The following CUBN variants were observed in gnomAD, a reference collection of about 807,000 sequenced individuals.
CUBN encodes the protein cubilin.
In CUBN, 282 loss-of-function variants were observed where a neutral mutation model predicts 405.3. The observed-to-expected ratio is 0.70, with a 90% CI of 0.63 to 0.77. CUBN has a LOEUF of 0.77. CUBN is among the 30% of genes least tolerant of loss of function. The pLI is 0.00. For synonymous variants in CUBN, 1,684 were observed against 1,617.0 expected (o/e 1.04, Z -0.99); for missense variants, 4,514 against 4,475.2 (o/e 1.01, Z -0.25).
chr10:17,099,587 G>A (rs184594567), intron 14 of CUBN, among the ~76,000 whole-genome samples: 22 of 152,306 alleles, frequency 1.4e-4, no homozygotes, highest in African/African-American at 4.6e-4. Context: ...AGTGGCTCAT[G>A]CCTGTAATCC....
chr10:16,845,222 C>T (rs1292084759), intron 60 of CUBN, among the ~76,000 whole-genome samples: 2 of 152,122 alleles, frequency 1.3e-5, no homozygotes, highest in African/African-American at 2.4e-5. Flanking sequence ...TGCACAAGGG[C>T]AATAGACTTT....
At chr10:16,982,678 T>G in intron 30 of CUBN, 25 bp from the exon 31 acceptor site, 1 of 1,600,148 alleles carries the variant, frequency 6.2e-7, no homozygotes, top group South Asian at 1.1e-5. Flanking sequence ...CACAATTATT[T>G]CATGAGAGGA....
intron 35 of CUBN, among the ~76,000 whole-genome samples, chr10:16,947,994 A>C (rs1842830615): frequency 6.6e-6 from 1 of 152,230 alleles, no homozygotes; most frequent in Admixed American, 6.5e-5. Flanking sequence ...GTGGATCACG[A>C]GGTCAGGAGT....
rs1244642903 is a variant in CUBN, at chr10:16,984,015, G to A, written c.4525+90C>T. 16 of 1,395,872 alleles carry A rather than the reference G, an allele frequency of 1.1e-5. No homozygotes were observed. The South Asian group carries it at 1.7e-4, about 15-fold the overall frequency. 86.5% of individuals were successfully genotyped at this position (1,395,872 alleles called of 1,614,324 possible). A position where few individuals can be genotyped will look rare whatever the true frequency, so the allele number is the denominator to read the frequency against. ...TTTGGGATGTCACTAAGTTATAAGT[G>A]TGTAGCCTTCATACGTTTTCCCAAG... On this transcript the variant is annotated intron_variant, in intron 30 of 66. Transcript: ENST00000377833.
At chr10:17,118,124 T>C (rs1441947042) in intron 6 of CUBN, among the ~76,000 whole-genome samples, 2 of 152,216 alleles carry the variant, frequency 1.3e-5, no homozygotes, top group Non-Finnish European at 2.9e-5. Context: ...GAGTAGGCAT[T>C]AATCCTATAC....
intron 10 of CUBN, 143 bp from the exon 11 acceptor site, chr10:17,105,718 G>A: frequency 1.5e-6 from 1 of 662,466 alleles, no homozygotes; most frequent in Non-Finnish European, 2.7e-6. Flanking sequence ...AACAAGGTAT[G>A]AGGAGAAAAT....
At chr10:16,889,096 A>T (rs1840914353) in intron 55 of CUBN, among the ~76,000 whole-genome samples, 1 of 152,218 alleles carries the variant, frequency 6.6e-6, no homozygotes. Flanking sequence ...TTTTCGAAAC[A>T]GAAAGAAATA....
At chr10:17,018,310 A>T (rs1000660340) in intron 28 of CUBN, among the ~76,000 whole-genome samples, 1 of 152,056 alleles carries the variant, frequency 6.6e-6, no homozygotes, top group African/African-American at 2.4e-5. Context: ...ATGTGTCCGG[A>T]ATTTATTCCT....
At chr10:17,102,643 G>A (rs555555484) in intron 13 of CUBN, among the ~76,000 whole-genome samples, 32 of 118,108 alleles carry the variant, frequency 2.7e-4, no homozygotes, top group South Asian at 1.6e-3. Context: ...GTCTTACTCT[G>A]TTGGCCAGGC....
intron 21 of CUBN, among the ~76,000 whole-genome samples, chr10:17,066,476 G>A (rs1408703820): frequency 3.9e-5 from 6 of 151,956 alleles, no homozygotes; most frequent in South Asian, 2.1e-4. Flanking sequence ...AAATGGATAC[G>A]TCAATTGCTA....
At chr10:17,098,994 A>G (rs2131294815) in intron 14 of CUBN, among the ~76,000 whole-genome samples, 1 of 152,326 alleles carries the variant, frequency 6.6e-6, no homozygotes, top group Non-Finnish European at 1.5e-5. Context: ...AGTTAATTAT[A>G]GTTTCAATGT....
At chr10:16,996,239 T>C (rs1341906405) in intron 28 of CUBN, among the ~76,000 whole-genome samples, 2 of 152,256 alleles carry the variant, frequency 1.3e-5, no homozygotes, top group African/African-American at 4.8e-5. Flanking sequence ...AGACATCAGC[T>C]GAACTGGAAT....
chr10:17,044,192 TATATATGTATTCAACAC>T (rs1835073740), intron 25 of CUBN, among the ~76,000 whole-genome samples: 1 of 146,992 alleles, frequency 6.8e-6, no homozygotes, highest in Non-Finnish European at 1.5e-5. Context: ...CATATATTTT[TATATATGTATTCAACAC>T]ATATGTTTAT....
chr10:17,087,799 C>T (rs975190776), intron 15 of CUBN, among the ~76,000 whole-genome samples: 1 of 152,124 alleles, frequency 6.6e-6, no homozygotes, highest in African/African-American at 2.4e-5. Context: ...TACAGTTAAG[C>T]TGTGAAAGAC....
chr10:16,864,775 C>T (rs1198415686), intron 59 of CUBN, among the ~76,000 whole-genome samples: 6 of 150,384 alleles, frequency 4.0e-5, no homozygotes, highest in South Asian at 2.1e-4. Flanking sequence ...CTCAGCCTCC[C>T]GAGTAGCTGG....
At chr10:16,867,508 A>T (rs549733949) in intron 59 of CUBN, among the ~76,000 whole-genome samples, 2 of 152,336 alleles carry the variant, frequency 1.3e-5, no homozygotes, top group African/African-American at 4.8e-5. Flanking sequence ...CAAAATCATA[A>T]TACTTAGGTT....
At chr10:16,990,691 T>C (rs1223412983) in intron 28 of CUBN, among the ~76,000 whole-genome samples, 176 bp from the exon 29 acceptor site, 2 of 152,232 alleles carry the variant, frequency 1.3e-5, no homozygotes, top group Non-Finnish European at 2.9e-5. Context: ...AAAAAAATCA[T>C]GGCTACAACT....
At position 16,874,524 on chromosome 10, in the gene CUBN, A is replaced by C. The variant is rs749599346; in HGVS notation, c.9107-21T>G. On this transcript the variant is annotated intron_variant, in intron 57 of 66. Transcript: ENST00000377833. Reference sequence around the variant, plus strand: ...ACAGGCTGCAACAGAAGACAAGGGAATATGAAGAGAACAACGATTAGTCCC... The same window carrying C: ...ACAGGCTGCAACAGAAGACAAGGGACTATGAAGAGAACAACGATTAGTCCC... 1.2e-5 allele frequency: 20 copies of C among 1,613,910 alleles called. No homozygotes were observed. In the Admixed American group the frequency reaches 2.5e-4, roughly 20 times the overall value.
rs774168375 is a variant in CUBN, at chr10:16,947,360, A to C, written c.5217T>G (p.Gly1739=). The C allele has an allele frequency of 1.9e-6, 3 of 1,614,128 alleles. No individual in the cohort carries two copies. The highest frequency in any genetic ancestry group is 2.5e-6 in the Non-Finnish European group (3 of 1,180,010). Reference sequence around the variant, plus strand: ...TGCCTTCAGCCATGTAGAACGTTCCACCACAAGCTGGAAGAAAATAGAAAT... The same window carrying C: ...TGCCTTCAGCCATGTAGAACGTTCCCCCACAAGCTGGAAGAAAATAGAAAT... ...TTVTASVSAC[G]GTFYMAEGIF... The change falls in exon 36 of 67, where the codon GGT becomes GGG. Residue 1739 remains glycine, a synonymous_variant. Coordinates refer to ENST00000377833, the MANE Select transcript of CUBN (RefSeq NM_001081.4).
Sources: allele counts gnomAD v4.1 joint callset (sites outside exome capture counted in the v4.1 genomes callset), GRCh38; gene constraint gnomAD v4.1.1; transcripts MANE v1.5; gene names NCBI Gene and HGNC (gene_info 2026-07-23, HGNC 2026-07-21).